The following RTN4IP1 variants were observed in gnomAD, a reference collection of about 807,000 sequenced individuals.
RTN4IP1 encodes NAD(P)H oxidoreductase RTN4IP1, mitochondrial.
Under a neutral mutation model 46.6 loss-of-function variants are expected in RTN4IP1, and 32 were observed. That is an observed-to-expected ratio of 0.69 (90% CI 0.52 to 0.92). The LOEUF (loss-of-function observed/expected upper bound fraction) is 0.92, where lower values mean the gene tolerates loss of function less well. RTN4IP1 is among the 40% of genes least tolerant of loss of function. The pLI is 0.00. For missense variants in RTN4IP1, 424 were observed against 485.8 expected (o/e 0.87, Z 1.20); for synonymous variants, 167 against 161.8 (o/e 1.03, Z -0.24).
intron 4 of RTN4IP1, among the ~76,000 whole-genome samples, chr6:106,615,870 A>G (rs534708594): frequency 6.6e-6 from 1 of 152,186 alleles, no homozygotes; most frequent in Admixed American, 6.5e-5. Flanking sequence ...TCATGAAGAA[A>G]CTATAGATGG....
chr6:106,620,337 T>TCA (rs1434307945), intron 3 of RTN4IP1, among the ~76,000 whole-genome samples: 8 of 152,100 alleles, frequency 5.3e-5, no homozygotes, highest in Non-Finnish European at 5.9e-5. Context: ...ACTCCTGACC[T>TCA]TGTGATCCAC....
At chr6:106,597,614 G>C (rs1334762163) in intron 5 of RTN4IP1, among the ~76,000 whole-genome samples, 1 of 151,788 alleles carries the variant, frequency 6.6e-6, no homozygotes, top group Non-Finnish European at 1.5e-5. Context: ...AAAGTGCTGG[G>C]ATTACAGGGT....
chr6:106,595,580 C>A (rs924801243), intron 5 of RTN4IP1, among the ~76,000 whole-genome samples: 1 of 151,396 alleles, frequency 6.6e-6, no homozygotes, highest in Non-Finnish European at 1.5e-5. Context: ...CCACTGCAAC[C>A]TCTGCCTCCT....
intron 8 of RTN4IP1, among the ~76,000 whole-genome samples, chr6:106,579,423 A>G (rs562931624): frequency 1.6e-4 from 24 of 152,294 alleles, no homozygotes; most frequent in Non-Finnish European, 3.1e-4. Flanking sequence ...TACGACTTGC[A>G]ATAAGGCTTC....
chr6:106,576,690 GACAC>G (rs1775236462), intron 8 of RTN4IP1, among the ~76,000 whole-genome samples: 1 of 152,194 alleles, frequency 6.6e-6, no homozygotes, highest in South Asian at 2.1e-4. Flanking sequence ...GTAGCCTCTA[GACAC>G]GTGACTATTT....
In RTN4IP1 at chr6:106,604,427, T is replaced by G. The variant is rs78177983; in HGVS notation, c.621-1505A>C. ...AACAATACCCCAGAGTATGTCACTT[T>G]GACATGCTGAGTACTTTGAAGTAAA... On this transcript the variant is annotated intron_variant, in intron 4 of 8. Transcript: ENST00000369063. 5.6e-3 allele frequency among the ~76,000 whole-genome samples: 853 copies of G among 152,258 alleles called. 4 individuals are homozygous for G. The highest frequency in any genetic ancestry group is 0.019 in the African/African-American group (805 of 41,548).
At chr6:106,591,123 GC>G (rs1298392974) in intron 6 of RTN4IP1, among the ~76,000 whole-genome samples, 1 of 152,146 alleles carries the variant, frequency 6.6e-6, no homozygotes, top group African/African-American at 2.4e-5. Context: ...CCTCAGTGAG[GC>G]ATTCTTTAAC....
rs950186600 is a variant in RTN4IP1, at chr6:106,576,093, T to C, written c.1084-3990A>G. ...CCTCTGTGAAAGGTTCAGTATTTCC[T>C]GGGTTGGGGTAAAGGGGAAGAAGGG... On this transcript the variant is annotated intron_variant, in intron 8 of 8. Transcript: ENST00000369063. 6.6e-5 allele frequency among the ~76,000 whole-genome samples: 10 copies of C among 152,292 alleles called. 1 individual carries two copies. Among genetic ancestry groups the C allele is most frequent in the Middle Eastern group, 6.8e-3 (2 of 294 alleles).
Position 106,602,924 on chromosome 6 carries a change from T to C in RTN4IP1, c.621-2A>G, listed in dbSNP as rs1315126050. 2 of 1,600,656 alleles carry C rather than the reference T, an allele frequency of 1.2e-6. No individual in the cohort carries two copies. The highest frequency in any genetic ancestry group is 1.7e-6 in the Non-Finnish European group (2 of 1,174,478). On this transcript the variant is annotated splice_acceptor_variant, in intron 4 of 8. Transcript: ENST00000369063. LOFTEE classifies it high-confidence loss of function. ...CCTGAAGCGCCTAAGATTAGAACAC[T>C]GAAATGCAAAGGAAACCACAATTAA...
chr6:106,614,388 TC>T (rs1776298774), intron 4 of RTN4IP1, among the ~76,000 whole-genome samples: 1 of 152,154 alleles, frequency 6.6e-6, no homozygotes, highest in Non-Finnish European at 1.5e-5. Context: ...GTTGTTTTGC[TC>T]AAGTTGAGTT....
rs780798399 is a variant in RTN4IP1, at chr6:106,592,165, G to GT, written c.804dup (p.Pro269ThrfsTer3). On this transcript the variant is annotated frameshift_variant and splice_region_variant, in exon 6 of 9. Transcript: ENST00000369063. LOFTEE classifies it high-confidence loss of function. ...TGTGAACATTGTTCTAATACATACG[G>GT]TTTTAAGGATTTCAACTGCTCTTCC... 41 of 1,613,682 alleles carry GT rather than the reference G, an allele frequency of 2.5e-5. No homozygotes were observed. The highest frequency in any genetic ancestry group is 3.3e-5 in the Non-Finnish European group (39 of 1,179,928).
In RTN4IP1 at chr6:106,629,414, A is replaced by G; in HGVS notation, c.-393T>C. On this transcript the variant is annotated 5_prime_UTR_variant, in exon 1 of 9. Coordinates refer to ENST00000369063, the MANE Select transcript of RTN4IP1 (RefSeq NM_032730.5). ...ACCGCTCGCGATCCAACGCCAGAGAATCGAACGCTTGCCGACTGCCGCCGC... is the reference window on the plus strand; with the variant it reads ...ACCGCTCGCGATCCAACGCCAGAGAGTCGAACGCTTGCCGACTGCCGCCGC... The G allele has an allele frequency of 1.7e-6, 1 of 578,184 alleles. No homozygotes were observed. Among genetic ancestry groups the G allele is most frequent in the Non-Finnish European group, 3.1e-6 (1 of 327,264 alleles). The allele number at this position is 578,184 out of a possible 1,614,324, so 35.8% of individuals were successfully genotyped here.
chr6:106,580,718 C>CAAAA (rs761745131), intron 8 of RTN4IP1, among the ~76,000 whole-genome samples: 1 of 99,724 alleles, frequency 1.0e-5, no homozygotes, highest in Non-Finnish European at 2.0e-5. Context: ...GACTCTGTCT[C>CAAAA]AAAGAAAAAA....
At chr6:106,602,951 G>T in intron 4 of RTN4IP1, 29 bp from the exon 5 acceptor site, 1 of 1,571,554 alleles carries the variant, frequency 6.4e-7, no homozygotes. Context: ...CACAATTAAC[G>T]AGAATCTAAA....
chr6:106,622,955 T>C lies in RTN4IP1; in HGVS notation c.289A>G (p.Thr97Ala). The C allele has an allele frequency of 6.2e-7, 1 of 1,614,144 alleles. No individual in the cohort carries two copies. The highest frequency in any genetic ancestry group is 8.5e-7 in the Non-Finnish European group (1 of 1,179,992). Residue 97 changes from threonine (T) to alanine (A), a missense_variant, in exon 2 of 9, where the codon ACA becomes GCA. By Grantham distance (58) the Thr-to-Ala change is moderately conservative. Coordinates refer to ENST00000369063, the MANE Select transcript of RTN4IP1 (RefSeq NM_032730.5). ...GGATCACGCTTCATATTTAAAGCTG[T>C]AGCTCCATAACCACCTGTAAAATAC... ...DVNMRSGYGATALNMKRDPLH... is the reference protein window; with the variant it reads ...DVNMRSGYGAAALNMKRDPLH...
At chr6:106,615,140 C>A (rs1776317267) in intron 4 of RTN4IP1, among the ~76,000 whole-genome samples, 1 of 152,056 alleles carries the variant, frequency 6.6e-6, no homozygotes, top group Admixed American at 6.6e-5. Flanking sequence ...AACAATACAA[C>A]CCAGTCAGGT....
chr6:106,619,785 G>T (rs796902457), intron 3 of RTN4IP1, among the ~76,000 whole-genome samples: 31 of 150,574 alleles, frequency 2.1e-4, no homozygotes, highest in African/African-American at 7.6e-4. Context: ...CTAATTTTTT[G>T]TATTTTCAGT....
In RTN4IP1 at chr6:106,605,796, G is replaced by A. The variant is rs1459163623; in HGVS notation, c.621-2874C>T. ...CGCGCCACTGCACTCCAGCCTGGGC[G>A]ACAGAGCAAGACTCTGTCCCAAAAA... On this transcript the variant is annotated intron_variant, in intron 4 of 8. Coordinates refer to ENST00000369063, the MANE Select transcript of RTN4IP1 (RefSeq NM_032730.5). Among the ~76,000 whole-genome samples the A allele has an allele frequency of 4.3e-4, 50 of 116,006 alleles. 3 individuals are homozygous for A. The highest frequency in any genetic ancestry group is 1.6e-3 in the African/African-American group (45 of 29,028). 76.1% of individuals were successfully genotyped at this position (116,006 alleles called of 152,430 possible). A position where few individuals can be genotyped will look rare whatever the true frequency, so the allele number is the denominator to read the frequency against.
intron 8 of RTN4IP1, among the ~76,000 whole-genome samples, chr6:106,582,760 G>A (rs1265898049): frequency 6.6e-6 from 1 of 152,130 alleles, no homozygotes; most frequent in African/African-American, 2.4e-5. Flanking sequence ...AAGACCTTTT[G>A]ACATCCAAAA....
Sources: gnomAD v4.1 joint callset for allele counts (sites outside exome capture counted in the v4.1 genomes callset) on GRCh38, gnomAD v4.1.1 for gene constraint, MANE v1.5 for transcripts, NCBI Gene and HGNC (gene_info 2026-07-23, HGNC 2026-07-21) for gene names.